The following MAPK10 variants were observed in gnomAD, a reference collection of about 807,000 sequenced individuals.
MAPK10 encodes JNK3 alpha protein kinase.
In MAPK10, 25 loss-of-function variants were observed where a neutral mutation model predicts 59.3. The ratio of observed to expected loss-of-function variants is 0.42; its 90% CI spans 0.31 to 0.59. MAPK10 has a LOEUF of 0.59. MAPK10 is among the 20% of genes least tolerant of loss of function. The pLI is 0.15. For synonymous variants in MAPK10, 190 were observed against 200.5 expected (o/e 0.95, Z 0.44); for missense variants, 351 against 568.9 (o/e 0.62, Z 3.90).
At chr4:86,066,507 C>T (rs932229454) in intron 10 of MAPK10, among the ~76,000 whole-genome samples, 2 of 151,998 alleles carry the variant, frequency 1.3e-5, no homozygotes, top group Non-Finnish European at 2.9e-5. Flanking sequence ...TGGCTGACAC[C>T]TGCAATCCCA....
intron 1 of MAPK10, among the ~76,000 whole-genome samples, chr4:86,471,028 T>C (rs377172550): frequency 9.8e-5 from 15 of 152,298 alleles, no homozygotes; most frequent in African/African-American, 3.1e-4. Flanking sequence ...CCCAGCACTT[T>C]GGGAGGCTGA....
intron 1 of MAPK10, among the ~76,000 whole-genome samples, chr4:86,585,451 A>G (rs1174934482): frequency 6.6e-6 from 1 of 152,232 alleles, no homozygotes; most frequent in East Asian, 1.9e-4. Flanking sequence ...TGCATTATGG[A>G]AAGTGTTTAT....
At chr4:86,279,461 G>C (rs955111900) in intron 2 of MAPK10, among the ~76,000 whole-genome samples, 1 of 152,022 alleles carries the variant, frequency 6.6e-6, no homozygotes, top group Non-Finnish European at 1.5e-5. Flanking sequence ...GTTTCTTTAT[G>C]GTACAAACAG....
intron 3 of MAPK10, among the ~76,000 whole-genome samples, chr4:86,188,351 A>G (rs2078790424): frequency 6.6e-6 from 1 of 152,150 alleles, no homozygotes; most frequent in Admixed American, 6.5e-5. Flanking sequence ...GAACTAATTT[A>G]CACTCCCACC....
chr4:86,146,532 C>A (rs1451861264), intron 4 of MAPK10, among the ~76,000 whole-genome samples: 2 of 152,088 alleles, frequency 1.3e-5, no homozygotes, highest in Non-Finnish European at 2.9e-5. Flanking sequence ...AGGTTATAGC[C>A]ATTTAACAGA....
intron 2 of MAPK10, among the ~76,000 whole-genome samples, chr4:86,221,231 C>T (rs1459912022): frequency 6.6e-6 from 1 of 152,154 alleles, no homozygotes; most frequent in East Asian, 1.9e-4. Context: ...AAATCCTGAG[C>T]AATCACCTCA....
chr4:86,294,673 CA>C (rs2148827929), intron 2 of MAPK10, among the ~76,000 whole-genome samples: 1 of 152,238 alleles, frequency 6.6e-6, no homozygotes, highest in Non-Finnish European at 1.5e-5. Flanking sequence ...AGCTCTAAAG[CA>C]CTAGGATAGG....
At chr4:86,078,995 C>T (rs976359317) in intron 9 of MAPK10, among the ~76,000 whole-genome samples, 23 of 151,730 alleles carry the variant, frequency 1.5e-4, no homozygotes, top group African/African-American at 5.6e-4. Flanking sequence ...GTCCCCCACC[C>T]CCCCAAAAAA....
At chr4:86,181,320 G>C (rs1040824460) in intron 3 of MAPK10, among the ~76,000 whole-genome samples, 1 of 152,018 alleles carries the variant, frequency 6.6e-6, no homozygotes, top group Non-Finnish European at 1.5e-5. Context: ...TCTTAGCTCA[G>C]TCCCTTTTAC....
At chr4:86,562,642 C>T (rs1296413218) in intron 1 of MAPK10, among the ~76,000 whole-genome samples, 3 of 151,958 alleles carry the variant, frequency 2.0e-5, no homozygotes, top group East Asian at 3.9e-4. Context: ...CTGCAGTGAG[C>T]TGTGATCCAG....
At chr4:86,571,852 A>G (rs1761485184) in intron 1 of MAPK10, among the ~76,000 whole-genome samples, 1 of 152,118 alleles carries the variant, frequency 6.6e-6, no homozygotes, top group South Asian at 2.1e-4. Flanking sequence ...AAAAAGCAGA[A>G]AAAAGGTGTC....
chr4:86,409,558 G>T (rs943270720), intron 1 of MAPK10, among the ~76,000 whole-genome samples: 1 of 152,118 alleles, frequency 6.6e-6, no homozygotes, highest in Non-Finnish European at 1.5e-5. Flanking sequence ...CCACTTGTTT[G>T]TGTCCTCTTT....
In MAPK10 at chr4:86,475,550, G is replaced by A. The variant is rs748639807; in HGVS notation, c.-263+118360C>T. On this transcript the variant is annotated intron_variant, in intron 1 of 4. Transcript: ENST00000502302. ...TCCGTGGACCCAAAACTCTGGCGCC[G>A]GTCACGGACTCGGGAAGACAGTCTT... 5.3e-5 allele frequency among the ~76,000 whole-genome samples: 8 copies of A among 152,086 alleles called. 1 individual carries two copies. The highest frequency in any genetic ancestry group is 1.9e-4 in the East Asian group (1 of 5,184).
Position 86,016,199 on chromosome 4 carries a change from TCTTG to T in MAPK10, c.*1025_*1028del, listed in dbSNP as rs1190371758. 6.6e-6 allele frequency: 1 copy of T among 152,236 alleles called. No homozygotes were observed. The highest frequency in any genetic ancestry group is 2.4e-5 in the African/African-American group (1 of 41,442). 9.4% of individuals were successfully genotyped at this position (152,236 alleles called of 1,614,324 possible). On this transcript the variant is annotated 3_prime_UTR_variant, in exon 14 of 14. Transcript: ENST00000641462. ...CCACCTGCCACTTTCTCCAGTGGCC[TCTTG>T]TTGTGACCAGTAATTGAGAAATGAC...
chr4:86,508,887 C>T (rs909469007), intron 1 of MAPK10, among the ~76,000 whole-genome samples: 1 of 152,180 alleles, frequency 6.6e-6, no homozygotes, highest in Non-Finnish European at 1.5e-5. Flanking sequence ...TTCTGGGACT[C>T]CAGCTGGCTA....
intron 1 of MAPK10, chr4:86,358,104 C>T: frequency 1.0e-6 from 1 of 985,364 alleles, no homozygotes; most frequent in Non-Finnish European, 1.2e-6. Flanking sequence ...ACCGCTACAT[C>T]CAAAGCATCC....
At chr4:86,234,131 TA>T (rs2091948306) in intron 2 of MAPK10, among the ~76,000 whole-genome samples, 1 of 152,176 alleles carries the variant, frequency 6.6e-6, no homozygotes, top group African/African-American at 2.4e-5. Flanking sequence ...ATGGATTAGC[TA>T]AGAGACTTTG....
At position 86,561,382 on chromosome 4, in the gene MAPK10, T is replaced by C. The variant is rs150203898; in HGVS notation, c.-263+32528A>G. On this transcript the variant is annotated intron_variant, in intron 1 of 4. Coordinates refer to the MAPK10 transcript ENST00000502302. Reference sequence around the variant, plus strand: ...GTAGTGGTAGTATTTCAAAAAATTATTCTATAATGTGTTAATAGTCCAGAC... The same window carrying C: ...GTAGTGGTAGTATTTCAAAAAATTACTCTATAATGTGTTAATAGTCCAGAC... 7.2e-4 allele frequency among the ~76,000 whole-genome samples: 110 copies of C among 152,354 alleles called. No individual in the cohort carries two copies. In the East Asian group the frequency reaches 0.016, roughly 22 times the overall value.
In MAPK10 at chr4:86,540,078, A is replaced by C. The variant is rs890263200; in HGVS notation, c.-263+53832T>G. Among the ~76,000 whole-genome samples the C allele has an allele frequency of 2.6e-5, 4 of 152,348 alleles. No homozygotes were observed. In the Middle Eastern group the frequency reaches 0.014, roughly 518 times the overall value. On this transcript the variant is annotated intron_variant, in intron 1 of 4. Transcript: ENST00000502302. ...TCTATTGCCCTATAACAATTAGATT[A>C]ATACTGAATCCATCCATTGGGTCAA...
Sources: gnomAD v4.1 joint callset for allele counts (sites outside exome capture counted in the v4.1 genomes callset) on GRCh38, gnomAD v4.1.1 for gene constraint, MANE v1.5 for transcripts, NCBI Gene and HGNC (gene_info 2026-07-23, HGNC 2026-07-21) for gene names.